Variants in SPAG16 observed in about 807,000 individuals in gnomAD.
SPAG16 encodes the protein sperm-associated antigen 16 protein.
Under a neutral mutation model 80.4 loss-of-function variants are expected in SPAG16, and 86 were observed. The ratio of observed to expected loss-of-function variants is 1.07; its 90% CI spans 0.90 to 1.28. The LOEUF is 1.28. Ranked by LOEUF, SPAG16 falls within the 50% of genes most tolerant of loss-of-function variation. SPAG16 has a pLI of 0.00. For missense variants in SPAG16, 870 were observed against 765.3 expected (o/e 1.14, Z -1.61); for synonymous variants, 294 against 265.9 (o/e 1.11, Z -1.03).
intron 10 of SPAG16, among the ~76,000 whole-genome samples, chr2:213,789,476 T>C (rs1336117396): frequency 1.3e-5 from 2 of 151,994 alleles, no homozygotes; most frequent in Non-Finnish European, 2.9e-5. Context: ...TGAGAGTATG[T>C]GTGGCATCTT....
At chr2:213,497,541 G>A (rs2074546699) in intron 10 of SPAG16, among the ~76,000 whole-genome samples, 1 of 151,106 alleles carries the variant, frequency 6.6e-6, no homozygotes, top group Non-Finnish European at 1.5e-5. Context: ...CAATTCCAGT[G>A]TTTCATAGAC....
intron 15 of SPAG16, among the ~76,000 whole-genome samples, chr2:214,170,436 C>T (rs1404151507): frequency 1.3e-5 from 2 of 152,066 alleles, no homozygotes; most frequent in South Asian, 2.1e-4. Flanking sequence ...ATACTAAAAC[C>T]TCCTGAAGGT....
chr2:214,209,650 C>G (rs970827160), intron 15 of SPAG16, among the ~76,000 whole-genome samples: 2 of 152,096 alleles, frequency 1.3e-5, no homozygotes, highest in African/African-American at 4.8e-5. Context: ...GCCTTTGGTT[C>G]CAGGTATTGT....
chr2:214,071,050 G>A (rs1232647164), intron 13 of SPAG16, among the ~76,000 whole-genome samples: 1 of 152,096 alleles, frequency 6.6e-6, no homozygotes, highest in African/African-American at 2.4e-5. Context: ...CTAAAGGTCT[G>A]CACCAGTACT....
intron 12 of SPAG16, among the ~76,000 whole-genome samples, chr2:213,993,157 C>A (rs919422364): frequency 6.6e-6 from 1 of 152,128 alleles, no homozygotes; most frequent in South Asian, 2.1e-4. Context: ...GAGAATGACA[C>A]CCTGCAGGTA....
At chr2:214,390,376 G>A (rs1574487406) in intron 15 of SPAG16, among the ~76,000 whole-genome samples, 1 of 147,558 alleles carries the variant, frequency 6.8e-6, no homozygotes, top group South Asian at 2.1e-4. Flanking sequence ...TTCACTCATG[G>A]GCTTTAATAC....
chr2:213,766,944 A>G (rs1241174883), intron 10 of SPAG16, among the ~76,000 whole-genome samples: 5 of 152,174 alleles, frequency 3.3e-5, no homozygotes, highest in Non-Finnish European at 7.3e-5. Context: ...CTGCCGGGTA[A>G]AACCTTAGGA....
chr2:213,790,640 A>T lies in SPAG16; in HGVS notation c.1071-71845A>T, dbSNP rs112078132. Among the ~76,000 whole-genome samples the T allele has an allele frequency of 2.6e-4, 40 of 152,042 alleles. 1 individual carries two copies. The highest frequency in any genetic ancestry group is 7.5e-4 in the African/African-American group (31 of 41,548). On this transcript the variant is annotated intron_variant, in intron 10 of 15. Coordinates refer to ENST00000331683, the MANE Select transcript of SPAG16 (RefSeq NM_024532.5). ...TGGGTGAAAAACACCAATTATATAC[A>T]ATGTGAGCATACCAGTATTGTGTAT...
chr2:213,559,029 A>G (rs756557714), intron 10 of SPAG16, among the ~76,000 whole-genome samples: 1 of 152,140 alleles, frequency 6.6e-6, no homozygotes, highest in Non-Finnish European at 1.5e-5. Context: ...TCTTGATATT[A>G]TCTAATACCT....
At chr2:214,111,490 ATC>A (rs1175890676) in intron 14 of SPAG16, among the ~76,000 whole-genome samples, 3 of 152,058 alleles carry the variant, frequency 2.0e-5, no homozygotes, top group Non-Finnish European at 4.4e-5. Flanking sequence ...ATTGGTCTAT[ATC>A]TCTGTTTTGA....
intron 10 of SPAG16, among the ~76,000 whole-genome samples, chr2:213,616,018 C>G (rs184139590): frequency 6.6e-6 from 1 of 152,086 alleles, no homozygotes; most frequent in African/African-American, 2.4e-5. Context: ...ACGTAACAAA[C>G]CTGCATGTTC....
chr2:213,289,698 C>G (rs887226505), intron 1 of SPAG16, among the ~76,000 whole-genome samples: 1 of 152,130 alleles, frequency 6.6e-6, no homozygotes, highest in Admixed American at 6.5e-5. Context: ...CATGGAAGAT[C>G]CAGGCTAGAT....
chr2:213,951,772 TGA>T, intron 12 of SPAG16, among the ~76,000 whole-genome samples: 1 of 152,292 alleles, frequency 6.6e-6, no homozygotes, highest in Admixed American at 6.5e-5. Context: ...TGGCTGACGT[TGA>T]GTCACACATT....
At chr2:213,514,579 C>G (rs1200421305) in intron 10 of SPAG16, among the ~76,000 whole-genome samples, 1 of 151,060 alleles carries the variant, frequency 6.6e-6, no homozygotes, top group Non-Finnish European at 1.5e-5. Context: ...AACTCGTCAT[C>G]TAGCATTAGG....
intron 15 of SPAG16, among the ~76,000 whole-genome samples, chr2:214,385,180 G>A (rs571848906): frequency 7.2e-5 from 11 of 152,312 alleles, no homozygotes; most frequent in Admixed American, 5.9e-4. Context: ...AGACACCTGG[G>A]TACGGGTTCT....
intron 3 of SPAG16, among the ~76,000 whole-genome samples, chr2:213,308,450 T>C (rs1259717431): frequency 6.6e-6 from 1 of 152,110 alleles, no homozygotes; most frequent in Non-Finnish European, 1.5e-5. Context: ...GTTGGAATAT[T>C]TGCAAATACA....
chr2:213,945,671 A>G (rs2106304572), intron 12 of SPAG16, among the ~76,000 whole-genome samples: 1 of 152,294 alleles, frequency 6.6e-6, no homozygotes, highest in East Asian at 1.9e-4. Context: ...AGACACACCC[A>G]GGATCAATAC....
chr2:213,284,932 T>G (rs1314104903), intron 1 of SPAG16, among the ~76,000 whole-genome samples: 1 of 152,196 alleles, frequency 6.6e-6, no homozygotes, highest in Non-Finnish European at 1.5e-5. Context: ...GCACAACAAA[T>G]TGCTTCAACC....
chr2:213,455,010 T>G (rs907632744), intron 9 of SPAG16, among the ~76,000 whole-genome samples: 3 of 152,218 alleles, frequency 2.0e-5, no homozygotes, highest in Non-Finnish European at 1.5e-5. Flanking sequence ...GATCTTGAAA[T>G]AATCTAGAGT....
Sources: allele counts gnomAD v4.1 joint callset (sites outside exome capture counted in the v4.1 genomes callset), GRCh38; gene constraint gnomAD v4.1.1; transcripts MANE v1.5; gene names NCBI Gene and HGNC (gene_info 2026-07-23, HGNC 2026-07-21).